Variants in SGCD observed in about 807,000 individuals in gnomAD.
SGCD encodes the protein delta-sarcoglycan.
In SGCD, 18 loss-of-function variants were observed where a neutral mutation model predicts 36.6. The ratio of observed to expected loss-of-function variants is 0.49; its 90% CI spans 0.34 to 0.73. The LOEUF is 0.73. SGCD is among the 30% of genes least tolerant of loss of function. The pLI, the probability that SGCD is intolerant of heterozygous loss-of-function variation, is 0.01. For missense variants in SGCD, 387 were observed against 346.7 expected (o/e 1.12, Z -0.92); for synonymous variants, 133 against 130.6 (o/e 1.02, Z -0.12).
At chr5:156,195,488 A>C (rs749107460) in intron 3 of SGCD, among the ~76,000 whole-genome samples, 1 of 152,180 alleles carries the variant, frequency 6.6e-6, no homozygotes. Flanking sequence ...GTGATGAGTT[A>C]TTTTTTGTGA....
chr5:155,966,654 T>C lies in SGCD; in HGVS notation c.-282+96230T>C, dbSNP rs538781665. On this transcript the variant is annotated intron_variant, in intron 1 of 9. Transcript: ENST00000517913. Reference sequence around the variant, plus strand: ...CCTTGGGTGAGTGATGTAACCTCTCTGAGCCTCATTTCTCCCATTTCTAAA... The same window carrying C: ...CCTTGGGTGAGTGATGTAACCTCTCCGAGCCTCATTTCTCCCATTTCTAAA... 2.0e-4 allele frequency among the ~76,000 whole-genome samples: 30 copies of C among 152,246 alleles called. No homozygotes were observed. In the South Asian group the frequency reaches 2.9e-3, roughly 15 times the overall value.
At chr5:155,834,972 A>ATTT in the SGCD span, among the ~76,000 whole-genome samples, 2 of 142,022 alleles carry the variant, frequency 1.4e-5, no homozygotes. Context: ...AGTAGCTGGG[A>ATTT]TTAAAGGCAT....
chr5:155,813,534 A>G, the SGCD span, among the ~76,000 whole-genome samples: 2 of 152,200 alleles, frequency 1.3e-5, no homozygotes, highest in Non-Finnish European at 2.9e-5. Flanking sequence ...GATCACTGAG[A>G]AGTGATCATA....
chr5:156,177,451 G>T (rs1763501618), intron 3 of SGCD, among the ~76,000 whole-genome samples: 1 of 152,134 alleles, frequency 6.6e-6, no homozygotes, highest in Non-Finnish European at 1.5e-5. Flanking sequence ...TTGAGCTAGA[G>T]AAATTGCAAA....
chr5:155,755,679 C>T, the SGCD span, among the ~76,000 whole-genome samples: 1 of 152,190 alleles, frequency 6.6e-6, no homozygotes, highest in Non-Finnish European at 1.5e-5. Context: ...CTTCTGTAGG[C>T]TGGATCCTTC....
chr5:156,669,832 T>A (rs1426323159), intron 7 of SGCD, among the ~76,000 whole-genome samples: 1 of 152,206 alleles, frequency 6.6e-6, no homozygotes, highest in Non-Finnish European at 1.5e-5. Flanking sequence ...TAACTGATGC[T>A]CTAAACATCC....
intron 6 of SGCD, among the ~76,000 whole-genome samples, chr5:156,633,223 T>C (rs1203703608): frequency 6.6e-6 from 1 of 152,212 alleles, no homozygotes; most frequent in Non-Finnish European, 1.5e-5. Context: ...GTCAAGTACC[T>C]GTTACTCACT....
chr5:156,469,809 T>G (rs187076757), intron 3 of SGCD, among the ~76,000 whole-genome samples: 2 of 152,322 alleles, frequency 1.3e-5, no homozygotes, highest in African/African-American at 4.8e-5. Flanking sequence ...TCTCTGCTAT[T>G]GGTAATGAAT....
Position 155,979,974 on chromosome 5 carries a change from G to T in SGCD, c.-282+109550G>T, listed in dbSNP as rs114484446. Among the ~76,000 whole-genome samples, 497 of 152,120 alleles carry T rather than the reference G, an allele frequency of 3.3e-3. 4 individuals carry two copies. The highest frequency in any genetic ancestry group is 0.011 in the African/African-American group (447 of 41,496). ...GGGGCCATTGATAACACTCATGAGGGTTCCACCTTCATGACCTAATCACCT... is the reference window on the plus strand; with the variant it reads ...GGGGCCATTGATAACACTCATGAGGTTTCCACCTTCATGACCTAATCACCT... On this transcript the variant is annotated intron_variant, in intron 1 of 9. Coordinates refer to the SGCD transcript ENST00000517913.
At chr5:156,048,942 G>T (rs1199806085) in intron 1 of SGCD, among the ~76,000 whole-genome samples, 1 of 150,872 alleles carries the variant, frequency 6.6e-6, no homozygotes, top group Non-Finnish European at 1.5e-5. Flanking sequence ...TTCTTCTAAG[G>T]TTTTTATGGT....
At chr5:155,896,822 A>C (rs535539059) in intron 1 of SGCD, among the ~76,000 whole-genome samples, 2 of 152,360 alleles carry the variant, frequency 1.3e-5, no homozygotes, top group African/African-American at 4.8e-5. Flanking sequence ...TTCTCTCTAC[A>C]CATCACACAA....
At chr5:156,123,382 A>G (rs1273403977) in intron 2 of SGCD, among the ~76,000 whole-genome samples, 1 of 152,110 alleles carries the variant, frequency 6.6e-6, no homozygotes, top group Non-Finnish European at 1.5e-5. Flanking sequence ...TGGAGTGGCC[A>G]GTGGTCGCAG....
At chr5:156,623,844 T>C (rs1468179869) in intron 6 of SGCD, among the ~76,000 whole-genome samples, 1 of 152,200 alleles carries the variant, frequency 6.6e-6, no homozygotes, top group African/African-American at 2.4e-5. Context: ...TCTAGCTGAC[T>C]GGTTATTGGA....
intron 3 of SGCD, among the ~76,000 whole-genome samples, chr5:156,470,476 A>G (rs1474333396): frequency 6.6e-6 from 1 of 151,868 alleles, no homozygotes; most frequent in African/African-American, 2.4e-5. Flanking sequence ...TATATCTCCT[A>G]ATGCTATCCC....
At chr5:156,113,444 C>T (rs768258739) in intron 1 of SGCD, among the ~76,000 whole-genome samples, 1 of 152,114 alleles carries the variant, frequency 6.6e-6, no homozygotes, top group Non-Finnish European at 1.5e-5. Flanking sequence ...CCTCAGAGAT[C>T]TTACAGTTGA....
At chr5:155,838,398 T>G in the SGCD span, among the ~76,000 whole-genome samples, 1 of 152,188 alleles carries the variant, frequency 6.6e-6, no homozygotes, top group Non-Finnish European at 1.5e-5. Context: ...TTCTCATAAT[T>G]TATTTGTTGA....
At chr5:156,637,563 G>C (rs1275581704) in intron 6 of SGCD, among the ~76,000 whole-genome samples, 1 of 152,116 alleles carries the variant, frequency 6.6e-6, no homozygotes, top group Non-Finnish European at 1.5e-5. Context: ...CTCCTCCCCA[G>C]TAGACAGCTA....
chr5:156,048,627 T>C (rs1339955976), intron 1 of SGCD, among the ~76,000 whole-genome samples: 1 of 152,238 alleles, frequency 6.6e-6, no homozygotes, highest in Non-Finnish European at 1.5e-5. Context: ...TGTCTTCTTT[T>C]GAGAAGTGTC....
At chr5:156,503,747 G>A (rs1756558207) in intron 3 of SGCD, among the ~76,000 whole-genome samples, 1 of 152,140 alleles carries the variant, frequency 6.6e-6, no homozygotes, top group Non-Finnish European at 1.5e-5. Context: ...ACATTGAAGA[G>A]ATGACATGAG....
Sources: allele counts gnomAD v4.1 joint callset (sites outside exome capture counted in the v4.1 genomes callset), GRCh38; gene constraint gnomAD v4.1.1; transcripts MANE v1.5; gene names NCBI Gene and HGNC (gene_info 2026-07-23, HGNC 2026-07-21).